The following MSN variants were observed in gnomAD, a reference collection of about 807,000 sequenced individuals.
The protein encoded by MSN is moesin.
Under a neutral mutation model 48.0 loss-of-function variants are expected in MSN, and 2 were observed. The observed-to-expected ratio is 0.04, with a 90% confidence interval of 0.02 to 0.13. The LOEUF is 0.13. Ranked by LOEUF, MSN falls within the 10% of genes least tolerant of loss-of-function variation. MSN has a pLI of 1.00. For synonymous variants in MSN, 146 were observed against 166.9 expected, an observed-to-expected ratio of 0.87 and a Z score of 0.97; for missense variants, 267 against 470.1, an observed-to-expected ratio of 0.57 and a Z score of 3.99.
At chrX:65,631,280 G>T (rs1027543710) in intron 1 of MSN, among the ~76,000 whole-genome samples, 1 of 109,698 alleles carries the variant, frequency 9.1e-6, no homozygotes, top group Non-Finnish European at 1.9e-5. Context: ...TTTTAGTAGA[G>T]ATGGGATTTC....
Position 65,735,560 on chromosome X carries a change from C to G in MSN, c.959+130C>G, listed in dbSNP as rs111594441. 2.2e-3 allele frequency: 1,680 copies of G among 770,229 alleles called. 16 individuals carry two copies. In the African/African-American group the frequency reaches 0.026, roughly 12 times the overall value. The allele number at this position is 770,229 out of a possible 1,213,427, so 63.5% of individuals were successfully genotyped here. A position where few individuals can be genotyped will look rare whatever the true frequency, so the allele number is the denominator to read the frequency against. On this transcript the variant is annotated intron_variant, in intron 8 of 12. Transcript: ENST00000360270. Reference sequence around the variant, plus strand: ...AGATGAGAGGTTAGACACCAATATTCACATTTATTCAGAAAAAATCTACCA... The same window carrying G: ...AGATGAGAGGTTAGACACCAATATTGACATTTATTCAGAAAAAATCTACCA...
At chrX:65,622,900 T>C (rs920510378) in intron 1 of MSN, among the ~76,000 whole-genome samples, 4 of 111,968 alleles carry the variant, frequency 3.6e-5, no homozygotes, top group Non-Finnish European at 7.5e-5. Context: ...TCCATAAATG[T>C]TCTTTTTCAT....
At chrX:65,652,119 C>T (rs927847939) in intron 1 of MSN, among the ~76,000 whole-genome samples, 2 of 109,264 alleles carry the variant, frequency 1.8e-5, no homozygotes, top group African/African-American at 6.6e-5. Flanking sequence ...AAGCAACCTC[C>T]CTAGGCCAGC....
chrX:65,641,844 C>T (rs957494651), intron 1 of MSN, among the ~76,000 whole-genome samples: 1 of 108,205 alleles, frequency 9.2e-6, no homozygotes, highest in African/African-American at 3.3e-5. Flanking sequence ...TTGAAAACAA[C>T]TCAGTGTTGG....
At chrX:65,622,667 C>G (rs2070462118) in intron 1 of MSN, among the ~76,000 whole-genome samples, 1 of 109,214 alleles carries the variant, frequency 9.2e-6, no homozygotes, top group Non-Finnish European at 1.9e-5. Context: ...CAGGTGCACA[C>G]CCCTACACCC....
chrX:65,619,139 C>T (rs2070407452), intron 1 of MSN, among the ~76,000 whole-genome samples: 5 of 99,947 alleles, frequency 5.0e-5, no homozygotes, highest in African/African-American at 4.0e-5. Flanking sequence ...CTGCCCTTAA[C>T]ATTTTTTCCT....
upstream of MSN, among the ~76,000 whole-genome samples, chrX:65,664,367 C>G (rs917434188): frequency 1.8e-5 from 2 of 111,757 alleles, no homozygotes; most frequent in African/African-American, 3.3e-5. Flanking sequence ...CTAATGAGTA[C>G]TATGCTCACT....
At chrX:65,704,617 C>G (rs905701708) in intron 1 of MSN, among the ~76,000 whole-genome samples, 2 of 110,546 alleles carry the variant, frequency 1.8e-5, no homozygotes, top group African/African-American at 6.6e-5. Context: ...CCAAGCAGTG[C>G]CAGCTTGGAG....
chrX:65,689,625 T>A (rs2071153164), intron 1 of MSN, among the ~76,000 whole-genome samples: 1 of 111,426 alleles, frequency 9.0e-6, no homozygotes, highest in South Asian at 3.8e-4. Flanking sequence ...TGGGAATGTG[T>A]CACTAGAGCA....
intron 1 of MSN, among the ~76,000 whole-genome samples, chrX:65,634,867 C>T (rs927775783): frequency 3.6e-5 from 4 of 111,140 alleles, no homozygotes; most frequent in Non-Finnish European, 5.7e-5. Flanking sequence ...ACCTTGGGGC[C>T]TTCTGTCTGT....
intron 1 of MSN, among the ~76,000 whole-genome samples, chrX:65,689,696 G>A (rs184199230): frequency 9.0e-6 from 1 of 111,304 alleles, no homozygotes; most frequent in East Asian, 2.8e-4. Context: ...CTCTGTGAAG[G>A]GTGGGAGATT....
intron 1 of MSN, among the ~76,000 whole-genome samples, chrX:65,675,422 G>T (rs1009910652): frequency 3.6e-5 from 4 of 111,191 alleles, no homozygotes; most frequent in African/African-American, 1.3e-4. Flanking sequence ...TGGTATGTGG[G>T]TGTAAACCAA....
At chrX:65,599,010 G>C (rs1050213697) in intron 1 of MSN, among the ~76,000 whole-genome samples, 1 of 111,771 alleles carries the variant, frequency 8.9e-6, no homozygotes, top group Non-Finnish European at 1.9e-5. Flanking sequence ...GTTGCGGCTG[G>C]GCATGCTGGC....
chrX:65,643,710 A>T (rs1421598559), intron 1 of MSN, among the ~76,000 whole-genome samples: 1 of 111,494 alleles, frequency 9.0e-6, no homozygotes, highest in Non-Finnish European at 1.9e-5. Flanking sequence ...ATCTAGTTTG[A>T]GGGAGAAGAA....
At chrX:65,737,099 A>T in intron 9 of MSN, 79 bp from the exon 10 acceptor site, 2 of 1,144,835 alleles carry the variant, frequency 1.7e-6, no homozygotes, top group East Asian at 6.1e-5. Context: ...CTTGGGGTGG[A>T]TCATTTCCAG....
chrX:65,718,011 G>A (rs895716810), intron 2 of MSN, among the ~76,000 whole-genome samples: 2 of 111,682 alleles, frequency 1.8e-5, no homozygotes, highest in Non-Finnish European at 3.8e-5. Context: ...AGAAATTTGA[G>A]GACAGCTTGG....
chrX:65,623,742 G>A (rs2070476644), intron 1 of MSN, among the ~76,000 whole-genome samples: 1 of 108,624 alleles, frequency 9.2e-6, no homozygotes, highest in African/African-American at 3.4e-5. Context: ...AACCCGGGAG[G>A]CGGAGGTTGC....
At chrX:65,700,394 C>T (rs929267044) in intron 1 of MSN, among the ~76,000 whole-genome samples, 8 of 111,631 alleles carry the variant, frequency 7.2e-5, no homozygotes, top group African/African-American at 2.6e-4. Flanking sequence ...GTTTTCTAGC[C>T]CACTCCCTGC....
chrX:65,634,440 C>T (rs940991755), intron 1 of MSN, among the ~76,000 whole-genome samples: 77 of 111,193 alleles, frequency 6.9e-4, no homozygotes, highest in Non-Finnish European at 8.5e-4. Context: ...TGGTGAAACC[C>T]TGTCTCTACT....
Sources: allele counts gnomAD v4.1 joint callset (sites outside exome capture counted in the v4.1 genomes callset), GRCh38; gene constraint gnomAD v4.1.1; transcripts MANE v1.5; gene names NCBI Gene and HGNC (gene_info 2026-07-23, HGNC 2026-07-21).